Variants in SMARCAD1 observed in about 807,000 individuals in gnomAD.
SMARCAD1 encodes SWI/SNF-related matrix-associated actin-dependent regulator of chromatin subfamily A containing DEAD/H box 1.
In SMARCAD1, 25 loss-of-function variants were observed where a neutral mutation model predicts 127.1. That is an observed-to-expected ratio of 0.20 (90% confidence interval 0.14 to 0.27). The LOEUF (loss-of-function observed/expected upper bound fraction) is 0.27. SMARCAD1 is among the 10% of genes least tolerant of loss of function. SMARCAD1 has a pLI of 1.00. For missense variants in SMARCAD1, 807 were observed against 1,206.0 expected, an observed-to-expected ratio of 0.67 and a Z score of 4.90; for synonymous variants, 400 against 396.9, an observed-to-expected ratio of 1.01 and a Z score of -0.09.
Position 94,207,955 on chromosome 4 carries a change from C to A in SMARCAD1, c.-165C>A, listed in dbSNP as rs1741461880. On this transcript the variant is annotated 5_prime_UTR_variant, in exon 1 of 24. Coordinates refer to ENST00000354268, the MANE Select transcript of SMARCAD1 (RefSeq NM_020159.5). ...TGTCCCCGCAGTGTCGAGGCGCGGGCCCTGGCAGGTCCTTTCTCGAGGCAG... is the reference window on the plus strand; with the variant it reads ...TGTCCCCGCAGTGTCGAGGCGCGGGACCTGGCAGGTCCTTTCTCGAGGCAG... 5.6e-6 allele frequency: 2 copies of A among 358,506 alleles called. No homozygotes were observed. Among genetic ancestry groups the A allele is most frequent in the Non-Finnish European group, 1.1e-5 (2 of 182,418 alleles). 22.2% of individuals were successfully genotyped at this position (358,506 alleles called of 1,614,324 possible). A position where few individuals can be genotyped will look rare whatever the true frequency, so the allele number is the denominator to read the frequency against.
At chr4:94,239,201 AC>A (rs1044727663) in intron 5 of SMARCAD1, among the ~76,000 whole-genome samples, 1 of 152,244 alleles carries the variant, frequency 6.6e-6, no homozygotes, top group African/African-American at 2.4e-5. Flanking sequence ...GGTTTGTCTA[AC>A]CTTGAAGATA....
At chr4:94,249,883 T>TA in intron 7 of SMARCAD1, 128 bp downstream of exon 7, 1 of 650,384 alleles carries the variant, frequency 1.5e-6, no homozygotes, top group African/African-American at 1.8e-5. Context: ...TGTTCTCCTT[T>TA]TATCAATGTT....
At chr4:94,248,951 A>G (rs1023973360) in intron 6 of SMARCAD1, among the ~76,000 whole-genome samples, 4 of 152,124 alleles carry the variant, frequency 2.6e-5, no homozygotes, top group Admixed American at 2.6e-4. Context: ...CAGAGTAGAA[A>G]AATGCTTTTT....
chr4:94,280,823 C>T, intron 20 of SMARCAD1, 43 bp downstream of exon 20: 1 of 1,583,112 alleles, frequency 6.3e-7, no homozygotes, highest in East Asian at 2.2e-5. Flanking sequence ...TTCTCAATTA[C>T]TTTAACTTCT....
At chr4:94,238,515 T>C (rs1747063692) in intron 5 of SMARCAD1, among the ~76,000 whole-genome samples, 1 of 152,182 alleles carries the variant, frequency 6.6e-6, no homozygotes, top group Non-Finnish European at 1.5e-5. Context: ...TAGCTGTGTC[T>C]TCCTCATTAT....
intron 11 of SMARCAD1, among the ~76,000 whole-genome samples, chr4:94,272,107 T>C (rs1351097936): frequency 6.6e-6 from 1 of 152,230 alleles, no homozygotes; most frequent in African/African-American, 2.4e-5. Flanking sequence ...ACTTTCTTAC[T>C]CTGTCCTTAT....
At chr4:94,226,038 A>G in intron 2 of SMARCAD1, 81 bp from the exon 3 acceptor site, 4 of 1,168,568 alleles carry the variant, frequency 3.4e-6, no homozygotes, top group Non-Finnish European at 4.9e-6. Flanking sequence ...GAAATTTGAG[A>G]TTTTAGCACA....
rs1220079288 is a variant in SMARCAD1 at position 94,220,437 on chromosome 4, A to C, written c.191-5682A>C. ...TAATTTTTGTATTTTTAGTAGACAC[A>C]GGGTTTCACCACATTAGCCAGATTG... is the stretch of plus-strand genomic sequence containing the variant. On this transcript the variant is annotated intron_variant, in intron 2 of 23. Coordinates refer to ENST00000354268, the MANE Select transcript of SMARCAD1 (RefSeq NM_020159.5). Among the ~76,000 whole-genome samples, 3 of 151,984 alleles carry C rather than the reference A, an allele frequency of 2.0e-5. No homozygotes were observed. The East Asian group carries it at 5.8e-4, about 29-fold the overall frequency.
rs185302133 is a variant in SMARCAD1 at position 94,210,075 on chromosome 4, T to C, written c.190+1491T>C. ...GTGGAATGTTTTAGTTATTTATCAGTATTGGTCATGTGAAATCTTTAATTT... is the reference window on the plus strand; with the variant it reads ...GTGGAATGTTTTAGTTATTTATCAGCATTGGTCATGTGAAATCTTTAATTT... On this transcript the variant is annotated intron_variant, in intron 2 of 23. Transcript: ENST00000354268. Among the ~76,000 whole-genome samples, 45 of 152,366 alleles carry C rather than the reference T, an allele frequency of 3.0e-4. No individual in the cohort carries two copies. The East Asian group carries it at 6.6e-3, about 22-fold the overall frequency.
At chr4:94,240,232 G>A (rs1167370775) in intron 5 of SMARCAD1, among the ~76,000 whole-genome samples, 1 of 152,154 alleles carries the variant, frequency 6.6e-6, no homozygotes, top group Non-Finnish European at 1.5e-5. Flanking sequence ...TAAGAAGTAG[G>A]TAAATATATA....
In SMARCAD1 at chr4:94,288,710, A is replaced by G. The variant is rs146391277; in HGVS notation, c.3020-763A>G. Among the ~76,000 whole-genome samples the G allele has an allele frequency of 6.8e-3, 1,030 of 152,302 alleles. 7 individuals carry two copies. Among genetic ancestry groups the G allele is most frequent in the Middle Eastern group, 0.054 (16 of 294 alleles). ...GCTACATTTCAGCCACATCTAATTT[A>G]TAAAATTATTCATAGTTACAGATCT... On this transcript the variant is annotated intron_variant, in intron 23 of 23. Coordinates refer to ENST00000354268, the MANE Select transcript of SMARCAD1 (RefSeq NM_020159.5).
In SMARCAD1 at chr4:94,289,901, A is replaced by G; in HGVS notation, c.*367A>G. The G allele has an allele frequency of 2.2e-6, 1 of 456,642 alleles. No homozygotes were observed. The highest frequency in any genetic ancestry group is 4.4e-6 in the Non-Finnish European group (1 of 229,444). 28.3% of individuals were successfully genotyped at this position (456,642 alleles called of 1,614,324 possible). On this transcript the variant is annotated 3_prime_UTR_variant, in exon 24 of 24. Transcript: ENST00000354268. ...ATATATATATTGTCTTTCACTGGAT[A>G]ATGTGTGTAGATTTTTACATGTGCC...
intron 3 of SMARCAD1, among the ~76,000 whole-genome samples, chr4:94,229,845 C>G (rs1745565845): frequency 6.7e-6 from 1 of 150,318 alleles, no homozygotes; most frequent in Non-Finnish European, 1.5e-5. Context: ...ACTGATAATT[C>G]TAATCTATCA....
In SMARCAD1 at chr4:94,252,098, C is replaced by T. The variant is rs182642926; in HGVS notation, c.890-518C>T. ...AACTCCTGACCTTGTGATCTGCCCGCGTCGGCCTCCCAAAGTGCTGGGATT... is the reference window on the plus strand; with the variant it reads ...AACTCCTGACCTTGTGATCTGCCCGTGTCGGCCTCCCAAAGTGCTGGGATT... On this transcript the variant is annotated intron_variant, in intron 8 of 23. Transcript: ENST00000354268. 2.9e-3 allele frequency among the ~76,000 whole-genome samples: 441 copies of T among 152,278 alleles called. 3 individuals carry two copies. Among genetic ancestry groups the T allele is most frequent in the African/African-American group, 0.01 (420 of 41,542 alleles).
chr4:94,279,286 A>G (rs1753694162), intron 19 of SMARCAD1, among the ~76,000 whole-genome samples: 1 of 152,144 alleles, frequency 6.6e-6, no homozygotes, highest in African/African-American at 2.4e-5. Context: ...AGCTGGGACT[A>G]CAGGCACGCA....
chr4:94,257,343 TTATG>T (rs1750260853), intron 9 of SMARCAD1, among the ~76,000 whole-genome samples: 1 of 152,228 alleles, frequency 6.6e-6, no homozygotes, highest in Non-Finnish European at 1.5e-5. Context: ...CATCATCTAT[TTATG>T]TATACATTTG....
chr4:94,239,163 G>A (rs920349139), intron 5 of SMARCAD1, among the ~76,000 whole-genome samples: 2 of 152,156 alleles, frequency 1.3e-5, no homozygotes, highest in African/African-American at 4.8e-5. Flanking sequence ...TTAGTGTAGT[G>A]CACTTTGAGG....
chr4:94,216,169 C>G (rs965696357), intron 2 of SMARCAD1, among the ~76,000 whole-genome samples: 2 of 152,100 alleles, frequency 1.3e-5, no homozygotes, highest in Non-Finnish European at 2.9e-5. Flanking sequence ...GGGCACTAAT[C>G]CCATTCATGA....
At chr4:94,273,799 G>A (rs1752880340) in intron 12 of SMARCAD1, 83 bp downstream of exon 12, 1 of 1,075,470 alleles carries the variant, frequency 9.3e-7, no homozygotes, top group Non-Finnish European at 1.4e-6. Context: ...GTGTGTGTCG[G>A]AGGGGTGTTG....
Sources: allele counts gnomAD v4.1 joint callset (sites outside exome capture counted in the v4.1 genomes callset), GRCh38; gene constraint gnomAD v4.1.1; transcripts MANE v1.5; gene names NCBI Gene and HGNC (gene_info 2026-07-23, HGNC 2026-07-21).